RYR2: variants seen among roughly 807,000 people sequenced by gnomAD.
RYR2 encodes cardiac muscle ryanodine receptor-calcium release channel.
Under a neutral mutation model 601.1 loss-of-function variants are expected in RYR2, and 227 were observed. That is an observed-to-expected ratio of 0.38 (90% confidence interval 0.34 to 0.42). RYR2 has a LOEUF of 0.42. RYR2 is among the 10% of genes least tolerant of loss of function. The pLI is 1.00. For missense variants in RYR2, 4,646 were observed against 6,156.5 expected (o/e 0.75, Z 8.21); for synonymous variants, 2,223 against 2,175.1 (o/e 1.02, Z -0.61).
chr1:237,792,196 A>T lies in RYR2; in HGVS notation c.13655A>T (p.His4552Leu), dbSNP rs768299786. 6.2e-7 allele frequency: 1 copy of T among 1,613,754 alleles called. No individual in the cohort carries two copies. Among genetic ancestry groups the T allele is most frequent in the South Asian group, 1.1e-5 (1 of 91,042 alleles). The change falls in exon 94 of 105, where the codon CAT (histidine) becomes CTT (leucine). Residue 4552 changes from histidine to leucine, a missense_variant. His to Leu is a moderately conservative substitution (Grantham distance 99). This residue lies in a region of RYR2 where 364 missense variants were observed against 442.9 expected (regional missense o/e 0.82). Transcript: ENST00000366574. Reference protein sequence around the residue: ...AKVTSLDSSSHRIIAVHYVLE... With the variant: ...AKVTSLDSSSLRIIAVHYVLE... Reference sequence around the variant, plus strand: ...GTGACAAGCCTGGACAGCAGCTCCCATAGAATCATCGCAGTTCACTATGTA... The same window carrying T: ...GTGACAAGCCTGGACAGCAGCTCCCTTAGAATCATCGCAGTTCACTATGTA...
intron 23 of RYR2, among the ~76,000 whole-genome samples, chr1:237,508,494 A>G (rs538441364): frequency 1.3e-5 from 2 of 151,538 alleles, no homozygotes; most frequent in South Asian, 4.1e-4. Flanking sequence ...TAAAACAAAC[A>G]GCAAAACCCC....
At chr1:237,275,945 T>A (rs1047317563) in intron 2 of RYR2, among the ~76,000 whole-genome samples, 12 of 152,278 alleles carry the variant, frequency 7.9e-5, no homozygotes, top group Non-Finnish European at 1.3e-4. Context: ...AATTAAAATG[T>A]ACACTATTAA....
intron 16 of RYR2, among the ~76,000 whole-genome samples, chr1:237,461,221 G>A (rs2808222): frequency 0.28 from 42,247 of 152,006 alleles, 7,099 homozygotes; most frequent in African/African-American, 0.47. Flanking sequence ...ACACAGTATC[G>A]CACATCTGCA....
intron 25 of RYR2, among the ~76,000 whole-genome samples, chr1:237,537,319 T>G (rs1187121220): frequency 6.6e-6 from 1 of 152,122 alleles, no homozygotes; most frequent in Admixed American, 6.6e-5. Flanking sequence ...ACAGTTGTTT[T>G]TTTGTTTGTT....
At chr1:237,669,908 A>C (rs1447083177) in intron 58 of RYR2, among the ~76,000 whole-genome samples, 1 of 152,078 alleles carries the variant, frequency 6.6e-6, no homozygotes, top group Non-Finnish European at 1.5e-5. Flanking sequence ...AGAGGCTGCA[A>C]TCTCGGCATT....
At chr1:237,516,388 G>C (rs895065753) in intron 24 of RYR2, among the ~76,000 whole-genome samples, 1 of 152,102 alleles carries the variant, frequency 6.6e-6, no homozygotes, top group Non-Finnish European at 1.5e-5. Flanking sequence ...CAGAATGCTG[G>C]GATTGCAGGC....
At chr1:237,741,500 A>G (rs1691604061) in intron 79 of RYR2, among the ~76,000 whole-genome samples, 1 of 152,192 alleles carries the variant, frequency 6.6e-6, no homozygotes. Flanking sequence ...TACTATAGCT[A>G]TTGGTTAATG....
intron 41 of RYR2, among the ~76,000 whole-genome samples, chr1:237,629,126 AC>A (rs2148672708): frequency 6.6e-6 from 1 of 152,296 alleles, no homozygotes; most frequent in Non-Finnish European, 1.5e-5. Context: ...GGGATGCAAC[AC>A]GTTTTTTTGA....
chr1:237,468,535 A>T (rs1230185957), intron 16 of RYR2, among the ~76,000 whole-genome samples: 1 of 152,232 alleles, frequency 6.6e-6, no homozygotes, highest in Non-Finnish European at 1.5e-5. Context: ...CGGAAATGAT[A>T]TAAGAAAATA....
intron 26 of RYR2, among the ~76,000 whole-genome samples, chr1:237,549,338 G>A (rs146210898): frequency 6.6e-6 from 1 of 152,302 alleles, no homozygotes; most frequent in African/African-American, 2.4e-5. Flanking sequence ...ACTTTGGGAG[G>A]CTAAGGTGGG....
At chr1:237,348,256 T>C (rs1156413819) in intron 3 of RYR2, among the ~76,000 whole-genome samples, 1 of 152,178 alleles carries the variant, frequency 6.6e-6, no homozygotes, top group African/African-American at 2.4e-5. Context: ...ATAACTGGCA[T>C]GCACCACTAT....
chr1:237,064,071 C>T (rs538598706), intron 1 of RYR2, among the ~76,000 whole-genome samples: 30 of 152,256 alleles, frequency 2.0e-4, no homozygotes, highest in Middle Eastern at 3.4e-3. Flanking sequence ...TTTCTTCAAA[C>T]ATTGCTTCTG....
intron 88 of RYR2, among the ~76,000 whole-genome samples, chr1:237,779,142 A>C (rs1258287768): frequency 6.6e-6 from 1 of 152,192 alleles, no homozygotes; most frequent in Non-Finnish European, 1.5e-5. Flanking sequence ...AGGTTTTATA[A>C]TCTGTTACAA....
At chr1:237,065,007 T>C (rs949989835) in intron 1 of RYR2, among the ~76,000 whole-genome samples, 2 of 151,956 alleles carry the variant, frequency 1.3e-5, no homozygotes, top group African/African-American at 4.8e-5. Context: ...TAACATCGTA[T>C]TGTGTGTTCT....
chr1:237,542,845 T>C (rs1482251154), intron 25 of RYR2, among the ~76,000 whole-genome samples: 2 of 152,202 alleles, frequency 1.3e-5, no homozygotes, highest in Non-Finnish European at 2.9e-5. Flanking sequence ...CCCTGCCATT[T>C]GGCTGAGTAC....
In RYR2 at chr1:237,643,452, G is replaced by A; in HGVS notation, c.7342+5G>A. On this transcript the variant is annotated splice_donor_5th_base_variant and intron_variant, in intron 48 of 104. Coordinates refer to ENST00000366574, the MANE Select transcript of RYR2 (RefSeq NM_001035.3). ...AGATGCCAACAATAGCCAAAGGTAA[G>A]GCCAACTTCAATTTGTCCTAATTCA... 6.2e-7 allele frequency: 1 copy of A among 1,613,664 alleles called. No individual in the cohort carries two copies.
intron 17 of RYR2, among the ~76,000 whole-genome samples, chr1:237,483,788 A>C (rs1222151178): frequency 6.6e-6 from 1 of 152,170 alleles, no homozygotes; most frequent in African/African-American, 2.4e-5. Flanking sequence ...CTAAAAGACA[A>C]ATTTTCCTAC....
At chr1:237,331,842 A>T (rs899917783) in intron 3 of RYR2, among the ~76,000 whole-genome samples, 1 of 152,052 alleles carries the variant, frequency 6.6e-6, no homozygotes, top group Non-Finnish European at 1.5e-5. Flanking sequence ...TTCCTAATGC[A>T]AGTATTTTTC....
chr1:237,283,146 C>T (rs7526639), intron 2 of RYR2, among the ~76,000 whole-genome samples: 71,678 of 151,850 alleles, frequency 0.47, 18,825 homozygotes, highest in East Asian at 0.77. Flanking sequence ...AAGGAAGTCT[C>T]TTCATTGTTT....
Sources: gnomAD v4.1 joint callset for allele counts (sites outside exome capture counted in the v4.1 genomes callset) on GRCh38, gnomAD v4.1.1 for gene constraint, gnomAD v4.1.1 regional missense constraint, MANE v1.5 for transcripts, NCBI Gene and HGNC (gene_info 2026-07-23, HGNC 2026-07-21) for gene names.